Variants in LUZP2 observed in about 807,000 individuals in gnomAD.
LUZP2 encodes leucine zipper protein 2.
A neutral mutation model predicts 51.6 loss-of-function variants in LUZP2; 52 were observed. The ratio of observed to expected loss-of-function variants is 1.01; its 90% CI spans 0.81 to 1.27. The LOEUF (loss-of-function observed/expected upper bound fraction) is 1.27. Ranked by LOEUF, LUZP2 falls within the 50% of genes most tolerant of loss-of-function variation. The pLI, the probability that LUZP2 is intolerant of heterozygous loss-of-function variation, is 0.00. For missense variants in LUZP2, 436 were observed against 395.4 expected (o/e 1.10, Z -0.87); for synonymous variants, 154 against 137.3 (o/e 1.12, Z -0.85).
At chr11:25,023,664 G>A (rs1223798504) in intron 9 of LUZP2, among the ~76,000 whole-genome samples, 1 of 151,818 alleles carries the variant, frequency 6.6e-6, no homozygotes, top group African/African-American at 2.4e-5. Flanking sequence ...GTTATTTCTT[G>A]CCTTCTGCTA....
At chr11:24,592,526 A>G (rs893492002) in intron 1 of LUZP2, among the ~76,000 whole-genome samples, 1 of 152,160 alleles carries the variant, frequency 6.6e-6, no homozygotes, top group African/African-American at 2.4e-5. Context: ...TTGTCTCAGT[A>G]TAGTTGTTTA....
At chr11:24,506,947 C>A (rs1850162829) in intron 1 of LUZP2, among the ~76,000 whole-genome samples, 1 of 151,958 alleles carries the variant, frequency 6.6e-6, no homozygotes. Context: ...AAAGCAGAAG[C>A]TAAACCATAC....
intron 1 of LUZP2, among the ~76,000 whole-genome samples, chr11:24,628,915 T>A (rs1222141398): frequency 6.6e-6 from 1 of 152,056 alleles, no homozygotes; most frequent in African/African-American, 2.4e-5. Flanking sequence ...TGTGAATACA[T>A]ACATATACAC....
chr11:25,025,113 A>T (rs191675648), intron 9 of LUZP2, among the ~76,000 whole-genome samples: 143 of 152,302 alleles, frequency 9.4e-4, no homozygotes, highest in African/African-American at 3.2e-3. Context: ...GTGAAATTGG[A>T]TCCCTTCCTT....
intron 9 of LUZP2, among the ~76,000 whole-genome samples, chr11:25,014,257 A>G (rs890914358): frequency 4.6e-5 from 7 of 152,198 alleles, no homozygotes; most frequent in African/African-American, 7.2e-5. Context: ...TCCTTTGGGT[A>G]TATACCCAGT....
chr11:24,959,192 G>A (rs965685610), intron 7 of LUZP2, among the ~76,000 whole-genome samples: 2 of 152,126 alleles, frequency 1.3e-5, no homozygotes, highest in East Asian at 1.9e-4. Context: ...GTAGTGTGAT[G>A]CCTCCAGCTT....
intron 1 of LUZP2, among the ~76,000 whole-genome samples, chr11:24,683,200 C>T (rs754217222): frequency 6.2e-4 from 94 of 152,278 alleles, no homozygotes; most frequent in Middle Eastern, 3.4e-3. Flanking sequence ...AAGTGTTGAA[C>T]CTTATGCTGC....
Position 24,691,468 on chromosome 11 carries a change from C to T in LUZP2, c.63-37701C>T, listed in dbSNP as rs1461094277. Among the ~76,000 whole-genome samples the T allele has an allele frequency of 2.1e-5, 3 of 145,520 alleles. No homozygotes were observed. In the Admixed American group the frequency reaches 2.2e-4, roughly 11 times the overall value. On this transcript the variant is annotated intron_variant, in intron 1 of 11. Transcript: ENST00000336930. ...TTCAAATAAATACCCATTTTTCCCT[C>T]ATATTCTGTTTTTTTTTTTTTCAAA...
chr11:24,991,002 C>T (rs12276025), intron 9 of LUZP2, among the ~76,000 whole-genome samples: 12,700 of 151,622 alleles, frequency 0.084, 1,729 homozygotes, highest in African/African-American at 0.28. Flanking sequence ...TATTGGAGAA[C>T]AGGTGGTGTT....
intron 1 of LUZP2, among the ~76,000 whole-genome samples, chr11:24,657,816 C>T (rs1855862222): frequency 6.6e-6 from 1 of 152,116 alleles, no homozygotes; most frequent in Admixed American, 6.5e-5. Flanking sequence ...AGTGAACTCC[C>T]ATTCACAATT....
At chr11:24,984,522 TTTTATATATA>T (rs1454166421) in intron 9 of LUZP2, among the ~76,000 whole-genome samples, 3 of 15,334 alleles carry the variant, frequency 2.0e-4, no homozygotes, top group Non-Finnish European at 7.5e-4. Flanking sequence ...AAATTACATA[TTTTATATATA>T]TATATATATA....
At chr11:24,727,094 C>A (rs1858509791) in intron 1 of LUZP2, among the ~76,000 whole-genome samples, 1 of 151,832 alleles carries the variant, frequency 6.6e-6, no homozygotes, top group East Asian at 1.9e-4. Context: ...ATTTGAAAAT[C>A]AAATATGAAG....
At chr11:24,654,424 A>G (rs530647978) in intron 1 of LUZP2, among the ~76,000 whole-genome samples, 60 of 150,818 alleles carry the variant, frequency 4.0e-4, no homozygotes, top group Non-Finnish European at 3.0e-5. Context: ...TTGTTTGTTC[A>G]TTTTGTTTTT....
chr11:25,056,585 TG>T (rs1858689506), intron 10 of LUZP2, among the ~76,000 whole-genome samples: 1 of 152,142 alleles, frequency 6.6e-6, no homozygotes, highest in Admixed American at 6.5e-5. Context: ...ATTGTCGCTC[TG>T]GGAAGGGACT....
chr11:24,953,810 G>A (rs975082053), intron 7 of LUZP2, among the ~76,000 whole-genome samples: 1 of 151,946 alleles, frequency 6.6e-6, no homozygotes, highest in Non-Finnish European at 1.5e-5. Context: ...CACTATTCTG[G>A]TAATTATTTA....
At chr11:24,847,143 C>A (rs74425370) in intron 5 of LUZP2, among the ~76,000 whole-genome samples, 2,063 of 151,908 alleles carry the variant, frequency 0.014, 50 homozygotes, top group East Asian at 0.13. Flanking sequence ...CTGTGAATTT[C>A]TTTAAAACTG....
At chr11:24,692,041 A>T (rs1302189364) in intron 1 of LUZP2, among the ~76,000 whole-genome samples, 2 of 151,966 alleles carry the variant, frequency 1.3e-5, no homozygotes, top group Non-Finnish European at 2.9e-5. Context: ...AAATGATCTC[A>T]TATAGATTAT....
chr11:24,675,539 A>G (rs1008070800), intron 1 of LUZP2, among the ~76,000 whole-genome samples: 4 of 152,160 alleles, frequency 2.6e-5, no homozygotes, highest in Admixed American at 6.6e-5. Flanking sequence ...CATGGTTAAA[A>G]ATGGAATATT....
At chr11:24,724,871 A>G (rs1301233015) in intron 1 of LUZP2, among the ~76,000 whole-genome samples, 2 of 152,200 alleles carry the variant, frequency 1.3e-5, no homozygotes, top group South Asian at 2.1e-4. Flanking sequence ...ATGACTAGCA[A>G]TATCTATTTA....
Sources: gnomAD v4.1 joint callset for allele counts (sites outside exome capture counted in the v4.1 genomes callset) on GRCh38, gnomAD v4.1.1 for gene constraint, MANE v1.5 for transcripts, NCBI Gene and HGNC (gene_info 2026-07-23, HGNC 2026-07-21) for gene names.